The following SYT1 variants were observed in gnomAD, a reference collection of about 807,000 sequenced individuals.
SYT1 encodes synaptotagmin 1, also known as synaptotagmin-1.
SYT1 carries 8 observed loss-of-function variants against 44.8 expected under a neutral mutation model. That is an observed-to-expected ratio of 0.18 (90% CI 0.10 to 0.32). SYT1 has a LOEUF of 0.32. Among genes scored for constraint, SYT1 ranks in the 10% least tolerant of loss-of-function variants. The pLI is 1.00. For synonymous variants in SYT1, 154 were observed against 188.8 expected (o/e 0.82, Z 1.51); for missense variants, 286 against 509.3 (o/e 0.56, Z 4.22).
At chr12:78,995,928 A>G (rs1223308780) in intron 2 of SYT1, 1 of 152,220 alleles carries the variant, frequency 6.6e-6, no homozygotes, top group African/African-American at 2.4e-5. Flanking sequence ...GGAAAATGAC[A>G]TCCTTTTGCT....
At chr12:79,180,480 TTTTTTTTTA>T (rs71091647) in intron 3 of SYT1, among the ~76,000 whole-genome samples, 97,579 of 151,060 alleles carry the variant, frequency 0.65, 31,809 homozygotes, top group Admixed American at 0.7. Flanking sequence ...TATTTTCTTT[TTTTTTTTTA>T]AAAAAAGGAG....
intron 3 of SYT1, among the ~76,000 whole-genome samples, chr12:79,067,833 C>T (rs1875981136): frequency 6.6e-6 from 1 of 152,162 alleles, no homozygotes; most frequent in Admixed American, 6.6e-5. Context: ...ATCAAGCTGC[C>T]ATGGGCTAGA....
chr12:79,198,656 C>T (rs1462102000), intron 3 of SYT1, among the ~76,000 whole-genome samples: 1 of 152,040 alleles, frequency 6.6e-6, no homozygotes, highest in African/African-American at 2.4e-5. Context: ...TTTATATGAG[C>T]TTTTTGTCTT....
At chr12:78,964,742 G>A (rs1879684730) in intron 1 of SYT1, among the ~76,000 whole-genome samples, 1 of 152,116 alleles carries the variant, frequency 6.6e-6, no homozygotes, top group South Asian at 2.1e-4. Flanking sequence ...TCTCACAGCA[G>A]TCTTGGTTGT....
intron 4 of SYT1, among the ~76,000 whole-genome samples, chr12:79,268,280 A>G (rs780636503): frequency 1.3e-5 from 2 of 152,218 alleles, no homozygotes; most frequent in Non-Finnish European, 2.9e-5. Flanking sequence ...AATGTTAAGG[A>G]TTTTTAAAAA....
intron 9 of SYT1, among the ~76,000 whole-genome samples, chr12:79,429,577 G>A (rs1869655206): frequency 6.6e-6 from 1 of 151,812 alleles, no homozygotes; most frequent in Non-Finnish European, 1.5e-5. Flanking sequence ...CACCCAGGAT[G>A]GAGTGCAGTG....
At chr12:79,372,238 A>G (rs146360912) in intron 9 of SYT1, among the ~76,000 whole-genome samples, 8 of 152,330 alleles carry the variant, frequency 5.3e-5, no homozygotes, top group Admixed American at 5.2e-4. Context: ...GCCCCCATGA[A>G]GAAATTAAAT....
chr12:79,169,930 G>A lies in SYT1; in HGVS notation c.-17-47573G>A, dbSNP rs564678499. On this transcript the variant is annotated intron_variant, in intron 3 of 10. Coordinates refer to ENST00000261205, the MANE Select transcript of SYT1 (RefSeq NM_005639.3). ...GTCCTCATCGTTTAGCCCCTATTTA[G>A]AAGTGAGAACATGTGGTATTCGGTT... 1.1e-3 allele frequency among the ~76,000 whole-genome samples: 162 copies of A among 152,048 alleles called. 1 individual carries two copies. Among genetic ancestry groups the A allele is most frequent in the Admixed American group, 3.5e-3 (53 of 15,242 alleles).
chr12:79,320,257 T>A (rs957416689), intron 8 of SYT1, among the ~76,000 whole-genome samples: 1 of 152,188 alleles, frequency 6.6e-6, no homozygotes, highest in African/African-American at 2.4e-5. Flanking sequence ...AAAACCCTGC[T>A]TCTCATGAAA....
chr12:79,046,867 A>C (rs1874106031), intron 2 of SYT1, among the ~76,000 whole-genome samples: 1 of 152,088 alleles, frequency 6.6e-6, no homozygotes, highest in Non-Finnish European at 1.5e-5. Flanking sequence ...ATAAAACTTA[A>C]AAGTAACATG....
intron 5 of SYT1, among the ~76,000 whole-genome samples, chr12:79,291,280 G>C (rs902691214): frequency 3.3e-5 from 5 of 152,124 alleles, no homozygotes; most frequent in Non-Finnish European, 7.4e-5. Flanking sequence ...ATGCCAATTT[G>C]TTTTTGACAG....
chr12:79,105,020 A>G (rs1878636884), intron 3 of SYT1, among the ~76,000 whole-genome samples: 1 of 152,200 alleles, frequency 6.6e-6, no homozygotes, highest in South Asian at 2.1e-4. Context: ...AGAGAGGTAG[A>G]CACAGATCAT....
intron 1 of SYT1, among the ~76,000 whole-genome samples, chr12:78,919,857 C>T (rs907055598): frequency 2.6e-5 from 4 of 151,920 alleles, no homozygotes; most frequent in African/African-American, 7.3e-5. Context: ...ATTGTGTGTG[C>T]CACAATTCCT....
intron 8 of SYT1, among the ~76,000 whole-genome samples, chr12:79,338,417 T>C (rs913041431): frequency 2.6e-5 from 4 of 151,810 alleles, no homozygotes; most frequent in South Asian, 2.1e-4. Context: ...CCCAAGTCAC[T>C]GGGACTACAG....
intron 3 of SYT1, among the ~76,000 whole-genome samples, chr12:79,179,618 C>T (rs1317481952): frequency 1.3e-5 from 2 of 150,326 alleles, no homozygotes; most frequent in Non-Finnish European, 3.0e-5. Flanking sequence ...CGGGATTTCT[C>T]CATGTGGGTC....
chr12:79,055,037 C>A (rs534995146), intron 3 of SYT1, among the ~76,000 whole-genome samples: 7 of 152,022 alleles, frequency 4.6e-5, no homozygotes, highest in African/African-American at 1.7e-4. Context: ...TGAAAATTCT[C>A]TATATTCAAA....
chr12:79,346,294 A>C lies in SYT1; in HGVS notation c.811-7208A>C, dbSNP rs1440367562. ...TTTGTCGTTGTCTAGTAAATCATTA[A>C]TTTGTGTCTATTCAATGGCTGCATT... On this transcript the variant is annotated intron_variant, in intron 8 of 10. Coordinates refer to ENST00000261205, the MANE Select transcript of SYT1 (RefSeq NM_005639.3). Among the ~76,000 whole-genome samples the C allele has an allele frequency of 3.3e-5, 5 of 152,290 alleles. No individual in the cohort carries two copies. The East Asian group carries it at 9.6e-4, about 29-fold the overall frequency.
intron 3 of SYT1, among the ~76,000 whole-genome samples, chr12:79,069,583 TA>T (rs1281447499): frequency 2.0e-5 from 3 of 151,946 alleles, no homozygotes; most frequent in East Asian, 3.9e-4. Flanking sequence ...TTTAAAAATA[TA>T]AAAAGGAATC....
intron 9 of SYT1, among the ~76,000 whole-genome samples, chr12:79,416,364 C>A (rs1218261870): frequency 6.6e-6 from 1 of 152,180 alleles, no homozygotes; most frequent in African/African-American, 2.4e-5. Flanking sequence ...AAAAGTTGAA[C>A]ATCTTTGCCA....
Sources: gnomAD v4.1 joint callset for allele counts (sites outside exome capture counted in the v4.1 genomes callset) on GRCh38, gnomAD v4.1.1 for gene constraint, MANE v1.5 for transcripts, NCBI Gene and HGNC (gene_info 2026-07-23, HGNC 2026-07-21) for gene names.